Variants in CEP104 observed in about 807,000 individuals in gnomAD.
CEP104 encodes centrosomal protein 104.
Under a neutral mutation model 113.3 loss-of-function variants are expected in CEP104, and 84 were observed. The observed-to-expected ratio is 0.74, with a 90% CI of 0.62 to 0.89. CEP104 has a LOEUF of 0.89. Among genes scored for constraint, CEP104 ranks in the 40% least tolerant of loss-of-function variants. CEP104 has a pLI of 0.00. For missense variants in CEP104, 1,053 were observed against 1,156.6 expected, an observed-to-expected ratio of 0.91 and a Z score of 1.30; for synonymous variants, 378 against 421.7, an observed-to-expected ratio of 0.90 and a Z score of 1.27.
At chr1:3,854,662 T>C (rs2124704710) in intron 1 of CEP104, among the ~76,000 whole-genome samples, 1 of 149,396 alleles carries the variant, frequency 6.7e-6, no homozygotes, top group East Asian at 2.0e-4. Context: ...TTTTTGGTAT[T>C]TTAGTAGAGA....
chr1:3,838,452 T>G (rs1028044714), intron 8 of CEP104, among the ~76,000 whole-genome samples: 9 of 152,180 alleles, frequency 5.9e-5, no homozygotes, highest in Admixed American at 1.3e-4. Flanking sequence ...TGCCTGGCCT[T>G]GAGAGTGTGC....
chr1:3,830,776 CA>C lies in CEP104; in HGVS notation c.1836+269del, dbSNP rs61056063. 0.55 allele frequency among the ~76,000 whole-genome samples: 59,784 copies of C among 108,284 alleles called. 16,398 individuals are homozygous for C. Among genetic ancestry groups the C allele is most frequent in the Middle Eastern group, 0.67 (161 of 240 alleles). The allele number at this position is 108,284 out of a possible 152,430, so 71.0% of individuals were successfully genotyped here. On this transcript the variant is annotated intron_variant, in intron 13 of 21. Coordinates refer to ENST00000378230, the MANE Select transcript of CEP104 (RefSeq NM_014704.4). The stretch of plus-strand genomic sequence containing the variant: ...TGGGCGACAGAACGAGACTCCATCT[CA>C]AAAAAAAAAAAAAAAAAAGACAAAG...
At chr1:3,827,372 G>A (rs1644111992) in intron 15 of CEP104, among the ~76,000 whole-genome samples, 1 of 152,012 alleles carries the variant, frequency 6.6e-6, no homozygotes, top group Non-Finnish European at 1.5e-5. Flanking sequence ...TCACCACCAT[G>A]TCTGGCTAAG....
At chr1:3,830,531 T>C (rs1030139925) in intron 13 of CEP104, among the ~76,000 whole-genome samples, 3 of 152,082 alleles carry the variant, frequency 2.0e-5, no homozygotes, top group Admixed American at 6.5e-5. Flanking sequence ...CCCAGCACTT[T>C]GGGAGGCTGA....
At chr1:3,851,817 A>ATAAAGTATAG (rs1644616776) in intron 2 of CEP104, among the ~76,000 whole-genome samples, 2 of 152,192 alleles carry the variant, frequency 1.3e-5, no homozygotes, top group African/African-American at 4.8e-5. Flanking sequence ...GCCCAATTGA[A>ATAAAGTATAG]CATTTTAATA....
intron 1 of CEP104, among the ~76,000 whole-genome samples, chr1:3,853,140 A>C (rs1383584073): frequency 2.6e-5 from 4 of 152,264 alleles, no homozygotes; most frequent in African/African-American, 9.6e-5. Flanking sequence ...CAGTATGTTA[A>C]TTAGTTATAC....
chr1:3,813,783 G>A lies in CEP104; in HGVS notation c.*1619C>T, dbSNP rs1209818992. 3 of 152,008 alleles carry A rather than the reference G, an allele frequency of 2.0e-5. No individual in the cohort carries two copies. Among genetic ancestry groups the A allele is most frequent in the African/African-American group, 7.2e-5 (3 of 41,418 alleles). 9.4% of individuals were successfully genotyped at this position (152,008 alleles called of 1,614,324 possible). ...GAGAATTGCTTGAACCCAGGAGGTG[G>A]AGGTTACTGTGAGCCAAGATCACGC... is the stretch of plus-strand genomic sequence containing the variant. On this transcript the variant is annotated 3_prime_UTR_variant, in exon 22 of 22. Coordinates refer to ENST00000378230, the MANE Select transcript of CEP104 (RefSeq NM_014704.4).
chr1:3,837,223 C>G, intron 9 of CEP104, 69 bp downstream of exon 9: 2 of 1,323,506 alleles, frequency 1.5e-6, no homozygotes, highest in South Asian at 2.6e-5. Flanking sequence ...GGAACAGCAC[C>G]TGGCACAACA....
At chr1:3,827,479 C>T (rs1310013426) in intron 15 of CEP104, among the ~76,000 whole-genome samples, 4 of 152,142 alleles carry the variant, frequency 2.6e-5, no homozygotes, top group African/African-American at 9.7e-5. Flanking sequence ...CTCGGCCTCC[C>T]AAAGTGCTGC....
At chr1:3,834,088 G>A in intron 11 of CEP104, 53 bp from the exon 12 acceptor site, 1 of 1,376,658 alleles carries the variant, frequency 7.3e-7, no homozygotes, top group Admixed American at 1.8e-5. Context: ...ATTCCACCAA[G>A]AGGAAACATG....
At chr1:3,816,200 GC>G in intron 21 of CEP104, 79 bp downstream of exon 21, 1 of 1,239,604 alleles carries the variant, frequency 8.1e-7, no homozygotes. Context: ...TTGCCATGTT[GC>G]CCTGGACGGG....
intron 20 of CEP104, among the ~76,000 whole-genome samples, chr1:3,820,326 T>C (rs1453203731): frequency 6.6e-6 from 1 of 152,058 alleles, no homozygotes; most frequent in African/African-American, 2.4e-5. Flanking sequence ...GGAGGACAAG[T>C]AAAGGTAACA....
At position 3,829,808 on chromosome 1, in the gene CEP104, T is replaced by C. The variant is rs1557669078; in HGVS notation, c.2026A>G (p.Thr676Ala). The C allele has an allele frequency of 3.1e-6, 5 of 1,614,214 alleles. No individual in the cohort carries two copies. The highest frequency in any genetic ancestry group is 4.2e-6 in the Non-Finnish European group (5 of 1,180,008). ...TAACTCACCCTCATCTCAGCATCTG[T>C]AGCTCTGCCATCTATTTTAGCAAAT... is the stretch of plus-strand genomic sequence containing the variant. ...EGFAKIDGRA[T>A]DAEMRARRKA... Residue 676 changes from threonine to alanine, a missense_variant, in exon 14 of 22, where the codon ACA (threonine) becomes GCA (alanine). Transcript: ENST00000378230.
At position 3,823,586 on chromosome 1, in the gene CEP104, A is replaced by C. The variant is rs1254443267; in HGVS notation, c.2365-24T>G. On this transcript the variant is annotated intron_variant, in intron 18 of 21. Coordinates refer to ENST00000378230, the MANE Select transcript of CEP104 (RefSeq NM_014704.4). This position sits in a 1 kb window ranked among gnomAD's most constrained non-coding sequence, Gnocchi z 4.1. The stretch of plus-strand genomic sequence containing the variant: ...ACCTGGATTTCGAAATACAGAGCAA[A>C]GCATGTTGCTGAGAAAGCGGCAGCG... 1.9e-6 allele frequency: 3 copies of C among 1,614,064 alleles called. No individual in the cohort carries two copies. The highest frequency in any genetic ancestry group is 4.5e-5 in the East Asian group (2 of 44,888).
In CEP104 at chr1:3,837,357, T is replaced by C. The variant is rs1283671291; in HGVS notation, c.1054A>G (p.Ile352Val). The C allele has an allele frequency of 3.7e-6, 6 of 1,613,968 alleles. No homozygotes were observed. The highest frequency in any genetic ancestry group is 5.1e-6 in the Non-Finnish European group (6 of 1,179,992). The change falls in exon 9 of 22, where the codon ATT becomes GTT. Residue 352 changes from isoleucine (I) to valine (V), a missense_variant. Transcript: ENST00000378230. ...TCTACTGCAGAATGCTGAGGAGAAA[T>C]AGTTAGAGAATATGATGAAGGCTTT... is the stretch of plus-strand genomic sequence containing the variant. ...QEKPSSYSLT[I>V]SPQHSAVDPL...
intron 3 of CEP104, among the ~76,000 whole-genome samples, chr1:3,848,047 T>C (rs55873991): frequency 0.33 from 50,001 of 152,010 alleles, 9,800 homozygotes; most frequent in Admixed American, 0.45. Flanking sequence ...GTTGGCCAGA[T>C]TGGTCATCTA....
At position 3,823,828 on chromosome 1, in the gene CEP104, G is replaced by C. The variant is rs574165131; in HGVS notation, c.2365-266C>G. On this transcript the variant is annotated intron_variant, in intron 18 of 21. Coordinates refer to ENST00000378230, the MANE Select transcript of CEP104 (RefSeq NM_014704.4). The surrounding 1 kb of genome is among the most constrained non-coding windows in gnomAD (Gnocchi z 4.1). ...TGTCAAGGATGGGGAAGCTACGGTC[G>C]GCCTGAGTGTGAAGCTTGGATGAGG... 6.6e-6 allele frequency among the ~76,000 whole-genome samples: 1 copy of C among 152,162 alleles called. No homozygotes were observed. Among genetic ancestry groups the C allele is most frequent in the Non-Finnish European group, 1.5e-5 (1 of 68,040 alleles).
chr1:3,852,201 A>G (rs1644624121), intron 2 of CEP104, 94 bp downstream of exon 2: 10 of 1,234,004 alleles, frequency 8.1e-6, no homozygotes, highest in Non-Finnish European at 9.9e-6. Context: ...GAGTGATAGT[A>G]AAATCTGAGG....
chr1:3,815,069 T>C lies in CEP104; in HGVS notation c.*333A>G. 3.7e-6 allele frequency: 1 copy of C among 270,560 alleles called. No individual in the cohort carries two copies. Among genetic ancestry groups the C allele is most frequent in the South Asian group, 4.4e-5 (1 of 22,624 alleles). The allele number at this position is 270,560 out of a possible 1,614,324, so 16.8% of individuals were successfully genotyped here. On this transcript the variant is annotated 3_prime_UTR_variant, in exon 22 of 22. Transcript: ENST00000378230. ...AGCGGGACCGTGCCTGTGCTGACCG[T>C]GGCCTTGCGCGAGCGCCTCCCGGCG...
Sources: gnomAD v4.1 joint callset for allele counts (sites outside exome capture counted in the v4.1 genomes callset) on GRCh38, gnomAD v4.1.1 for gene constraint, Gnocchi (gnomAD v3.1) non-coding constraint, MANE v1.5 for transcripts, NCBI Gene and HGNC (gene_info 2026-07-23, HGNC 2026-07-21) for gene names.